Variants in RAD51B observed in about 807,000 individuals in gnomAD.
RAD51B encodes the protein RAD51 paralog B, also known as DNA repair protein RAD51 homolog 2.
A neutral mutation model predicts 42.2 loss-of-function variants in RAD51B; 38 were observed. The ratio of observed to expected loss-of-function variants is 0.90; its 90% confidence interval spans 0.70 to 1.18. RAD51B has a LOEUF of 1.18. Among genes scored for constraint, RAD51B ranks in the 50% most tolerant of loss-of-function variants. The probability of loss-of-function intolerance (pLI) is 0.00; values close to 1 mark genes in which losing one functional copy is unlikely to be tolerated. For missense variants in RAD51B, 373 were observed against 400.7 expected, an observed-to-expected ratio of 0.93 and a Z score of 0.59; for synonymous variants, 154 against 145.2, an observed-to-expected ratio of 1.06 and a Z score of -0.43.
At chr14:68,035,701 T>C (rs1266978979) in intron 7 of RAD51B, among the ~76,000 whole-genome samples, 2 of 152,222 alleles carry the variant, frequency 1.3e-5, no homozygotes, top group African/African-American at 2.4e-5. Flanking sequence ...TTGGCAGTTA[T>C]ATTGATGATT....
chr14:68,499,574 T>G (rs544384501), intron 10 of RAD51B, among the ~76,000 whole-genome samples: 27 of 152,250 alleles, frequency 1.8e-4, no homozygotes, highest in Non-Finnish European at 3.2e-4. Flanking sequence ...ATGGCCTGAT[T>G]TGTATAAACG....
At chr14:67,849,737 CT>C (rs1461421343) in intron 4 of RAD51B, among the ~76,000 whole-genome samples, 1 of 152,116 alleles carries the variant, frequency 6.6e-6, no homozygotes, top group East Asian at 1.9e-4. Flanking sequence ...TAATTGATTC[CT>C]TTTTAAGATG....
chr14:68,438,381 G>A (rs2085198603), intron 9 of RAD51B, among the ~76,000 whole-genome samples: 1 of 152,108 alleles, frequency 6.6e-6, no homozygotes, highest in Non-Finnish European at 1.5e-5. Context: ...TGAGTGAGTG[G>A]ATGAGGTTTT....
chr14:68,056,390 C>T lies in RAD51B; in HGVS notation c.756+169186C>T, dbSNP rs891554861. Among the ~76,000 whole-genome samples the T allele has an allele frequency of 1.2e-4, 18 of 152,074 alleles. No homozygotes were observed. The South Asian group carries it at 1.9e-3, about 16-fold the overall frequency. On this transcript the variant is annotated intron_variant, in intron 7 of 10. Coordinates refer to ENST00000471583, the MANE Select transcript of RAD51B (RefSeq NM_133510.4). ...TCTCTAACTCCTGAGCTCAGGTGAT[C>T]CACCCGCCTCGGCCTCCCAAAGTGC...
At chr14:67,947,747 A>G (rs2045445057) in intron 7 of RAD51B, among the ~76,000 whole-genome samples, 2 of 152,194 alleles carry the variant, frequency 1.3e-5, no homozygotes, top group Non-Finnish European at 2.9e-5. Context: ...CTAAAAAACA[A>G]AAAAAACTTA....
intron 7 of RAD51B, among the ~76,000 whole-genome samples, chr14:68,107,819 C>T (rs1342911939): frequency 1.3e-5 from 2 of 151,734 alleles, no homozygotes; most frequent in African/African-American, 4.8e-5. Flanking sequence ...GGATCAGACA[C>T]CTAAATGTAT....
chr14:68,496,092 G>A (rs1041489080), intron 10 of RAD51B, among the ~76,000 whole-genome samples: 3 of 152,208 alleles, frequency 2.0e-5, no homozygotes, highest in Non-Finnish European at 4.4e-5. Context: ...TTGACAAACA[G>A]TGTGTCAAAC....
chr14:68,292,078 G>A (rs2081528723), intron 8 of RAD51B, 98 bp downstream of exon 8: 1 of 1,134,622 alleles, frequency 8.8e-7, no homozygotes, highest in Non-Finnish European at 1.3e-6. Context: ...TGGCTAATAG[G>A]CCCTGGCCAG....
At chr14:68,666,867 A>C (rs1473284999) in intron 11 of RAD51B, among the ~76,000 whole-genome samples, 2 of 152,212 alleles carry the variant, frequency 1.3e-5, no homozygotes, top group East Asian at 3.8e-4. Flanking sequence ...ATCTCCCTCT[A>C]TATATAGAGA....
At chr14:68,541,803 A>G (rs1887982203) in intron 10 of RAD51B, 1 of 985,350 alleles carries the variant, frequency 1.0e-6, no homozygotes, top group African/African-American at 1.7e-5. Context: ...TTAAATGGCC[A>G]CTCTGCAAGA....
intron 4 of RAD51B, among the ~76,000 whole-genome samples, chr14:67,856,780 C>A (rs1213673321): frequency 6.6e-6 from 1 of 151,944 alleles, no homozygotes; most frequent in Non-Finnish European, 1.5e-5. Context: ...AATTCTCTTT[C>A]CTCTTCAAAC....
chr14:68,098,960 TCTGTTCTA>T (rs2077243505), intron 7 of RAD51B, among the ~76,000 whole-genome samples: 1 of 152,192 alleles, frequency 6.6e-6, no homozygotes, highest in Non-Finnish European at 1.5e-5. Flanking sequence ...TGTACCAGGC[TCTGTTCTA>T]GGGGTTCTGG....
At chr14:68,419,214 G>A (rs2084636773) in intron 9 of RAD51B, among the ~76,000 whole-genome samples, 1 of 152,080 alleles carries the variant, frequency 6.6e-6, no homozygotes, top group African/African-American at 2.4e-5. Context: ...TTTATTCAGG[G>A]TCACACAACT....
At chr14:67,942,705 A>G (rs1467992915) in intron 7 of RAD51B, among the ~76,000 whole-genome samples, 1 of 152,226 alleles carries the variant, frequency 6.6e-6, no homozygotes, top group Non-Finnish European at 1.5e-5. Context: ...ATCTTCCAAA[A>G]GGAAGATTAC....
chr14:68,275,443 A>T (rs1008350372), intron 7 of RAD51B, among the ~76,000 whole-genome samples: 2 of 148,686 alleles, frequency 1.3e-5, no homozygotes, highest in African/African-American at 5.0e-5. Context: ...AGTGGACTTA[A>T]AAAAAAAAAG....
At chr14:67,892,692 G>A (rs1481753462) in intron 7 of RAD51B, among the ~76,000 whole-genome samples, 4 of 152,188 alleles carry the variant, frequency 2.6e-5, no homozygotes, top group African/African-American at 9.7e-5. Context: ...GATTTATGGT[G>A]AAGCCTATTT....
rs2081134086 is a variant in RAD51B at position 68,272,653 on chromosome 14, ATATATATATATATTTTTTTTTTTTTT to A, written c.757-19229_757-19204del. ...AAACACTTTATATATATATATATAT[ATATATATATATATTTTTTTTTTTTTT>A]TTTTTTTTTTTTTTTTTTTTTTTTG... On this transcript the variant is annotated intron_variant, in intron 7 of 10. Coordinates refer to ENST00000471583, the MANE Select transcript of RAD51B (RefSeq NM_133510.4). Among the ~76,000 whole-genome samples the A allele has an allele frequency of 1.4e-4, 2 of 14,206 alleles. 1 individual carries two copies. The highest frequency in any genetic ancestry group is 4.4e-3 in the South Asian group (2 of 454). 9.3% of individuals were successfully genotyped at this position (14,206 alleles called of 152,430 possible).
Position 68,605,246 on chromosome 14 carries a change from A to G in RAD51B, c.1037-5760A>G, listed in dbSNP as rs149458496. Among the ~76,000 whole-genome samples, 83 of 152,342 alleles carry G rather than the reference A, an allele frequency of 5.4e-4. No individual in the cohort carries two copies. In the East Asian group the frequency reaches 0.013, roughly 23 times the overall value. On this transcript the variant is annotated intron_variant, in intron 10 of 10. Coordinates refer to the RAD51B transcript ENST00000487861. ...TGAGGGAGAGCCTGTGTTATATGTA[A>G]AATATTTGTTTAGAAACAGAATGCT... is the stretch of plus-strand genomic sequence containing the variant.
chr14:68,038,591 A>C (rs1160380180), intron 7 of RAD51B, among the ~76,000 whole-genome samples: 1 of 152,166 alleles, frequency 6.6e-6, no homozygotes, highest in African/African-American at 2.4e-5. Context: ...TTTTATTGTC[A>C]TTTCTTTAAC....
Sources: gnomAD v4.1 joint callset for allele counts (sites outside exome capture counted in the v4.1 genomes callset) on GRCh38, gnomAD v4.1.1 for gene constraint, MANE v1.5 for transcripts, NCBI Gene and HGNC (gene_info 2026-07-23, HGNC 2026-07-21) for gene names.